SLC4A4: variants seen among roughly 807,000 people sequenced by gnomAD.
The protein encoded by SLC4A4 is solute carrier family 4 member 4.
A neutral mutation model predicts 111.5 loss-of-function variants in SLC4A4; 27 were observed. The ratio of observed to expected loss-of-function variants is 0.24; its 90% CI spans 0.18 to 0.33. The LOEUF is 0.33. Ranked by LOEUF, SLC4A4 falls within the 10% of genes least tolerant of loss-of-function variation. SLC4A4 has a pLI of 1.00. For missense variants in SLC4A4, 909 were observed against 1,315.5 expected, an observed-to-expected ratio of 0.69 and a Z score of 4.78; for synonymous variants, 443 against 463.4, an observed-to-expected ratio of 0.96 and a Z score of 0.57.
At chr4:71,463,237 G>A (rs1306269365) in intron 12 of SLC4A4, among the ~76,000 whole-genome samples, 2 of 152,168 alleles carry the variant, frequency 1.3e-5, no homozygotes, top group African/African-American at 4.8e-5. Flanking sequence ...GAAATCAGGT[G>A]TAGAAATGCC....
At chr4:71,139,058 A>G (rs2148965368) in intron 2 of SLC4A4, among the ~76,000 whole-genome samples, 1 of 151,500 alleles carries the variant, frequency 6.6e-6, no homozygotes, top group South Asian at 2.1e-4. Context: ...AAAAAAAAAA[A>G]AGAATCAGTG....
chr4:71,084,332 T>C (rs1249219887), intron 1 of SLC4A4, among the ~76,000 whole-genome samples: 1 of 152,078 alleles, frequency 6.6e-6, no homozygotes, highest in Non-Finnish European at 1.5e-5. Context: ...TTTCAACTTA[T>C]CTGCAACCTC....
At chr4:71,373,838 G>T (rs929433883) in intron 6 of SLC4A4, among the ~76,000 whole-genome samples, 3 of 152,120 alleles carry the variant, frequency 2.0e-5, no homozygotes, top group Non-Finnish European at 4.4e-5. Flanking sequence ...GAATGGTGTT[G>T]TCTAGACTCA....
Position 71,557,965 on chromosome 4 carries a change from T to G in SLC4A4, c.2937+80T>G, listed in dbSNP as rs985820254. On this transcript the variant is annotated intron_variant, in intron 22 of 25. Transcript: ENST00000264485. ...TATTGTTATATGGAAGACACACATGTCTTTTATGTGTTGTTCCAAATTTTT... is the reference window on the plus strand; with the variant it reads ...TATTGTTATATGGAAGACACACATGGCTTTTATGTGTTGTTCCAAATTTTT... The G allele has an allele frequency of 7.8e-6, 10 of 1,286,878 alleles. No individual in the cohort carries two copies. The African/African-American group carries it at 1.4e-4, about 19-fold the overall frequency. 79.7% of individuals were successfully genotyped at this position (1,286,878 alleles called of 1,614,324 possible). A position where few individuals can be genotyped will look rare whatever the true frequency, so the allele number is the denominator to read the frequency against.
chr4:71,355,542 C>G (rs1459746126), intron 5 of SLC4A4, among the ~76,000 whole-genome samples: 1 of 152,194 alleles, frequency 6.6e-6, no homozygotes, highest in East Asian at 1.9e-4. Context: ...CCTGCCTTGC[C>G]CAGACTCCCT....
At chr4:71,425,676 A>T (rs1276275291) in intron 7 of SLC4A4, among the ~76,000 whole-genome samples, 2 of 152,064 alleles carry the variant, frequency 1.3e-5, no homozygotes, top group African/African-American at 4.8e-5. Flanking sequence ...AAGCAAGGAA[A>T]ACTCAAAGTG....
At chr4:71,536,964 A>G (rs1734561227) in intron 18 of SLC4A4, among the ~76,000 whole-genome samples, 1 of 151,364 alleles carries the variant, frequency 6.6e-6, no homozygotes, top group Non-Finnish European at 1.5e-5. Flanking sequence ...GTATATACAT[A>G]TCCTTTCTTA....
At chr4:71,482,100 A>G (rs1336187237) in intron 14 of SLC4A4, among the ~76,000 whole-genome samples, 3 of 151,690 alleles carry the variant, frequency 2.0e-5, no homozygotes, top group Non-Finnish European at 4.4e-5. Context: ...CCTGGATCCA[A>G]ATGGTAACCA....
chr4:71,341,172 A>T (rs954135908), intron 4 of SLC4A4, among the ~76,000 whole-genome samples: 4 of 152,194 alleles, frequency 2.6e-5, no homozygotes, highest in African/African-American at 9.6e-5. Context: ...TTGAATGAAT[A>T]GTTTATGTCA....
intron 3 of SLC4A4, among the ~76,000 whole-genome samples, chr4:71,299,197 C>G (rs1725026725): frequency 6.6e-6 from 1 of 152,220 alleles, no homozygotes; most frequent in African/African-American, 2.4e-5. Flanking sequence ...CAATTGACTA[C>G]TGACCAGTCT....
intron 7 of SLC4A4, among the ~76,000 whole-genome samples, chr4:71,420,035 A>C (rs770803202): frequency 8.6e-5 from 13 of 151,820 alleles, no homozygotes; most frequent in Non-Finnish European, 1.5e-4. Context: ...ACGATCAAAC[A>C]ACGAGCTACC....
intron 7 of SLC4A4, among the ~76,000 whole-genome samples, chr4:71,401,292 G>A (rs1306434884): frequency 6.6e-6 from 1 of 152,302 alleles, no homozygotes; most frequent in East Asian, 1.9e-4. Context: ...GATTTCAGTA[G>A]CGGCTGCTTT....
intron 14 of SLC4A4, among the ~76,000 whole-genome samples, chr4:71,486,462 T>C (rs1366536462): frequency 2.0e-5 from 3 of 151,514 alleles, no homozygotes; most frequent in African/African-American, 7.3e-5. Flanking sequence ...GTCTCTTGTT[T>C]TCACACATTT....
At chr4:71,373,963 G>A (rs1237140096) in intron 6 of SLC4A4, among the ~76,000 whole-genome samples, 2 of 152,170 alleles carry the variant, frequency 1.3e-5, no homozygotes, top group Non-Finnish European at 2.9e-5. Flanking sequence ...GTTTACAGAA[G>A]CATGACAGTT....
At chr4:71,395,432 GTCT>G (rs918466414) in intron 6 of SLC4A4, among the ~76,000 whole-genome samples, 2 of 152,160 alleles carry the variant, frequency 1.3e-5, no homozygotes, top group African/African-American at 4.8e-5. Context: ...CTTAATACTA[GTCT>G]TCTCTTCCTC....
chr4:71,492,633 A>G (rs1265290898), intron 15 of SLC4A4, among the ~76,000 whole-genome samples: 1 of 151,944 alleles, frequency 6.6e-6, no homozygotes, highest in Non-Finnish European at 1.5e-5. Flanking sequence ...GTATGTTCCC[A>G]TATCAGCATC....
At chr4:71,112,214 T>C in intron 2 of SLC4A4, among the ~76,000 whole-genome samples, 1 of 152,234 alleles carries the variant, frequency 6.6e-6, no homozygotes, top group Non-Finnish European at 1.5e-5. Flanking sequence ...ACAATTATGT[T>C]GGAACATCAA....
At position 71,421,426 on chromosome 4, in the gene SLC4A4, T is replaced by A. The variant is rs370268068; in HGVS notation, c.808-19190T>A. ...CCCACTGTCAACATTAGACAGATCA[T>A]CGAGACAGAAAGTTAACAAGGATAT... On this transcript the variant is annotated intron_variant, in intron 7 of 25. Coordinates refer to ENST00000264485, the MANE Select transcript of SLC4A4 (RefSeq NM_001098484.3). 1.9e-3 allele frequency among the ~76,000 whole-genome samples: 286 copies of A among 152,158 alleles called. 10 individuals are homozygous for A. The highest frequency in any genetic ancestry group is 0.017 in the Admixed American group (265 of 15,272).
At chr4:71,334,799 G>C (rs1159036885) in intron 3 of SLC4A4, among the ~76,000 whole-genome samples, 2 of 152,206 alleles carry the variant, frequency 1.3e-5, no homozygotes, top group African/African-American at 4.8e-5. Flanking sequence ...CTAATGAGTA[G>C]TGATTCATGT....
Sources: gnomAD v4.1 joint callset for allele counts (sites outside exome capture counted in the v4.1 genomes callset) on GRCh38, gnomAD v4.1.1 for gene constraint, MANE v1.5 for transcripts, NCBI Gene and HGNC (gene_info 2026-07-23, HGNC 2026-07-21) for gene names.